RTEL1: variants seen among roughly 807,000 people sequenced by gnomAD.
RTEL1 encodes regulator of telomere length.
In RTEL1, 86 loss-of-function variants were observed where a neutral mutation model predicts 162.2. The ratio of observed to expected loss-of-function variants is 0.53; its 90% CI spans 0.45 to 0.63. RTEL1 has a LOEUF of 0.63. Among genes scored for constraint, RTEL1 ranks in the 30% least tolerant of loss-of-function variants. The pLI is 0.00. For synonymous variants in RTEL1, 958 were observed against 717.9 expected (o/e 1.33, Z -5.35); for missense variants, 1,941 against 1,750.2 (o/e 1.11, Z -1.95).
chr20:63,692,638 C>T, intron 28 of RTEL1, 167 bp from the exon 29 acceptor site: 2 of 654,968 alleles, frequency 3.1e-6, no homozygotes, highest in East Asian at 5.5e-5. Context: ...AGCTTTCTTC[C>T]CGCAGCCCCT....
chr20:63,695,438 C>G lies in RTEL1; in HGVS notation c.3610C>G (p.Gln1204Glu). 1 of 1,575,478 alleles carries G rather than the reference C, an allele frequency of 6.3e-7. No individual in the cohort carries two copies. Among genetic ancestry groups the G allele is most frequent in the Non-Finnish European group, 8.6e-7 (1 of 1,159,792 alleles). ...GAGGEDAGPS[Q>E]SSGPPHGPAA... ...GGGCGGTGAGGATGCAGGTCCCAGCCAGTCCTCAGGACCTCCCCACGGGCC... is the reference window on the plus strand; with the variant it reads ...GGGCGGTGAGGATGCAGGTCCCAGCGAGTCCTCAGGACCTCCCCACGGGCC... Residue 1204 changes from glutamine to glutamate, a missense_variant, in exon 34 of 35, where the codon CAG becomes GAG. By Grantham distance (29) the Gln-to-Glu change is conservative (BLOSUM62 2). Transcript: ENST00000360203.
At position 63,680,090 on chromosome 20, in the gene RTEL1, G is replaced by T. The variant is rs1016279223; in HGVS notation, c.1135+144G>T. On this transcript the variant is annotated intron_variant, in intron 13 of 34. Transcript: ENST00000360203. ...CACAGAACCTCATCTTCTGATCGGG[G>T]CGTGGAGGCGTTAGTGCCACTTGCC... The T allele has an allele frequency of 4.8e-6, 3 of 623,762 alleles. No individual in the cohort carries two copies. The African/African-American group carries it at 5.6e-5, about 12-fold the overall frequency. The allele number at this position is 623,762 out of a possible 1,614,324, so 38.6% of individuals were successfully genotyped here.
At chr20:63,687,908 C>T (rs375559814) in intron 17 of RTEL1, 29 bp from the exon 18 acceptor site, 49 of 1,608,524 alleles carry the variant, frequency 3.0e-5, no homozygotes, top group African/African-American at 5.3e-5. Flanking sequence ...TGCACTTCCC[C>T]ACTGTCTGCT....
At position 63,661,300 on chromosome 20, in the gene RTEL1, G is replaced by A. The variant is rs894771414; in HGVS notation, c.105G>A (p.Lys35=). 1.2e-6 allele frequency: 2 copies of A among 1,611,822 alleles called. No individual in the cohort carries two copies. The highest frequency in any genetic ancestry group is 1.3e-5 in the African/African-American group (1 of 74,894). Residue 35 remains lysine, a splice_region_variant and synonymous_variant, in exon 3 of 35, where the codon AAG becomes AAA. Coordinates refer to ENST00000360203, the MANE Select transcript of RTEL1 (RefSeq NM_001283009.2). The surrounding 1 kb of genome is among the most constrained non-coding windows in gnomAD (Gnocchi z 5.1). The stretch of plus-strand genomic sequence containing the variant: ...CCCTTGCTCCGAACTCCGTTCAGAA[G>A]GTGAATGGCATCCTGGAGAGCCCTA... ...MTKVLECLQQ[K]VNGILESPTG...
chr20:63,662,171 C>T (rs900972400), intron 4 of RTEL1, among the ~76,000 whole-genome samples: 3 of 152,174 alleles, frequency 2.0e-5, no homozygotes, highest in African/African-American at 4.8e-5. Context: ...TGACCTTGGG[C>T]GGGCGTCCTG....
intron 6 of RTEL1, among the ~76,000 whole-genome samples, chr20:63,664,600 C>T (rs897941566): frequency 6.6e-6 from 1 of 152,234 alleles, no homozygotes; most frequent in Non-Finnish European, 1.5e-5. Context: ...CCCTGCCTGT[C>T]CCCCTTGGCT....
At chr20:63,692,688 C>A (rs2090779646) in intron 28 of RTEL1, 117 bp from the exon 29 acceptor site, 2 of 997,860 alleles carry the variant, frequency 2.0e-6, no homozygotes, top group Non-Finnish European at 3.0e-6. Context: ...CAGGCAGCAG[C>A]CCCACCTCGG....
At chr20:63,689,706 C>T (rs777324999) in intron 23 of RTEL1, 44 bp from the exon 24 acceptor site, 21 of 1,604,550 alleles carry the variant, frequency 1.3e-5, no homozygotes, top group Admixed American at 5.0e-5. Flanking sequence ...GCCCCCGCCC[C>T]GTGGCCAAGG....
chr20:63,681,180 C>G, intron 14 of RTEL1: 3 of 985,426 alleles, frequency 3.0e-6, no homozygotes, highest in Non-Finnish European at 3.6e-6. Context: ...GGGGGTGCGA[C>G]CCTGGCCCCC....
At chr20:63,671,987 G>A (rs564152901) in intron 8 of RTEL1, among the ~76,000 whole-genome samples, 1 of 150,900 alleles carries the variant, frequency 6.6e-6, no homozygotes, top group Admixed American at 6.6e-5. Flanking sequence ...AGATGAAAGC[G>A]ATTCTCCTGC....
chr20:63,688,887 G>A (rs1355877853), intron 21 of RTEL1, 168 bp from the exon 22 acceptor site: 22 of 724,976 alleles, frequency 3.0e-5, no homozygotes, highest in South Asian at 1.0e-4. Flanking sequence ...CACTGAGCAG[G>A]CGTGGGGTCA....
intron 8 of RTEL1, among the ~76,000 whole-genome samples, chr20:63,672,163 T>A (rs1476598107): frequency 1.3e-5 from 2 of 152,130 alleles, no homozygotes; most frequent in Admixed American, 1.3e-4. Context: ...ATTACAGGCG[T>A]GAGCCACCGC....
Position 63,661,944 on chromosome 20 carries a change from G to C in RTEL1, c.395+1G>C. The C allele has an allele frequency of 1.2e-6, 2 of 1,613,344 alleles. No individual in the cohort carries two copies. Among genetic ancestry groups the C allele is most frequent in the South Asian group, 2.2e-5 (2 of 91,062 alleles). On this transcript the variant is annotated splice_donor_variant, in intron 4 of 34. Coordinates refer to ENST00000360203, the MANE Select transcript of RTEL1 (RefSeq NM_001283009.2). LOFTEE classifies it high-confidence loss of function. The surrounding 1 kb of genome is among the most constrained non-coding windows in gnomAD (Gnocchi z 5.1). ...ACGAGCTTCGGAACACCTCCTACCG[G>C]TGGGTCAGACGAGTTTACACCTGTC...
Position 63,695,918 on chromosome 20 carries a change from G to A in RTEL1, c.*60G>A, listed in dbSNP as rs752556087. On this transcript the variant is annotated 3_prime_UTR_variant, in exon 35 of 35. Transcript: ENST00000360203. ...CTTGATCACCTGCCTGTCCAGCTCT[G>A]GTGGGCCAAGAACCCACCCAACAGA... 1.3e-5 allele frequency: 19 copies of A among 1,504,562 alleles called. No homozygotes were observed. The highest frequency in any genetic ancestry group is 1.7e-5 in the Non-Finnish European group (19 of 1,112,814). 93.2% of individuals were successfully genotyped at this position (1,504,562 alleles called of 1,614,324 possible).
chr20:63,677,586 C>G (rs1374217953), intron 10 of RTEL1, among the ~76,000 whole-genome samples: 2 of 152,212 alleles, frequency 1.3e-5, no homozygotes, highest in African/African-American at 4.8e-5. Context: ...GCACCCCTGC[C>G]TGGGTGACAG....
Position 63,693,257 on chromosome 20 carries a change from G to A in RTEL1, c.2966G>A (p.Arg989Gln), listed in dbSNP as rs200683292. 3.7e-5 allele frequency: 59 copies of A among 1,611,780 alleles called. No individual in the cohort carries two copies. The highest frequency in any genetic ancestry group is 1.2e-4 in the Admixed American group (7 of 59,944). ...GAGCACAGCATTCCCCGAAGGCAGC[G>A]GGCACAGCCGGTCCTGGACCCCACT... ...RPEHSIPRRQRAQPVLDPTGR... is the reference protein window; with the variant it reads ...RPEHSIPRRQQAQPVLDPTGR... The change falls in exon 30 of 35, where the codon CGG (arginine) becomes CAG (glutamine). Residue 989 changes from arginine to glutamine, a missense_variant. Physicochemically the swap from Arg to Gln is conservative, Grantham distance 43 (BLOSUM62 1). Coordinates refer to ENST00000360203, the MANE Select transcript of RTEL1 (RefSeq NM_001283009.2).
intron 9 of RTEL1, 61 bp downstream of exon 9, chr20:63,672,682 A>T: frequency 1.5e-5 from 21 of 1,407,894 alleles, no homozygotes; most frequent in Non-Finnish European, 2.1e-5. Context: ...GTCAAGAGCC[A>T]CGCAAACCTT....
intron 10 of RTEL1, 65 bp from the exon 11 acceptor site, chr20:63,678,080 C>T (rs2090391832): frequency 6.3e-7 from 1 of 1,592,036 alleles, no homozygotes; most frequent in Non-Finnish European, 8.6e-7. Context: ...AATCCTGGTT[C>T]TCAAGGGCGG....
intron 30 of RTEL1, 68 bp from the exon 31 acceptor site, chr20:63,694,304 G>GCCCCC: frequency 1.2e-4 from 101 of 812,840 alleles, no homozygotes; most frequent in East Asian, 3.5e-4. Context: ...AGCCAGCCCT[G>GCCCCC]CCCCCCCACC....
Sources: allele counts gnomAD v4.1 joint callset (sites outside exome capture counted in the v4.1 genomes callset), GRCh38; gene constraint gnomAD v4.1.1; non-coding constraint Gnocchi (gnomAD v3.1); transcripts MANE v1.5; gene names NCBI Gene and HGNC (gene_info 2026-07-23, HGNC 2026-07-21).